Variants in CDK19 observed in about 807,000 individuals in gnomAD.
The protein encoded by CDK19 is cyclin dependent kinase 19, also known as cyclin-dependent kinase 19.
CDK19 carries 20 observed loss-of-function variants against 68.3 expected under a neutral mutation model. The observed-to-expected ratio is 0.29, with a 90% confidence interval of 0.21 to 0.43. The LOEUF (loss-of-function observed/expected upper bound fraction) is 0.43, where lower values mean the gene tolerates loss of function less well. Among genes scored for constraint, CDK19 ranks in the 20% least tolerant of loss-of-function variants. The pLI, the probability that CDK19 is intolerant of heterozygous loss-of-function variation, is 1.00. For synonymous variants in CDK19, 221 were observed against 222.8 expected, an observed-to-expected ratio of 0.99 and a Z score of 0.07; for missense variants, 339 against 623.5, an observed-to-expected ratio of 0.54 and a Z score of 4.86.
intron 4 of CDK19, chr6:110,646,247 G>A: frequency 2.0e-6 from 3 of 1,496,358 alleles, no homozygotes; most frequent in Non-Finnish European, 2.7e-6. Context: ...CTCTGTGGCC[G>A]TTCCACACAC....
At position 110,621,801 on chromosome 6, in the gene CDK19, A is replaced by T. The variant is rs1418751575; in HGVS notation, c.1110+287T>A. ...GATGCTAGCAAAAGCCAGCCTGCAT[A>T]AAGGGGTGGTAGTGACACCAAACAA... is the stretch of plus-strand genomic sequence containing the variant. On this transcript the variant is annotated intron_variant, in intron 11 of 12. Transcript: ENST00000368911. The surrounding 1 kb of genome is among the most constrained non-coding windows in gnomAD (Gnocchi z 5.4). Among the ~76,000 whole-genome samples, 3 of 152,190 alleles carry T rather than the reference A, an allele frequency of 2.0e-5. No individual in the cohort carries two copies. Among genetic ancestry groups the T allele is most frequent in the African/African-American group, 7.2e-5 (3 of 41,438 alleles).
At position 110,815,255 on chromosome 6, in the gene CDK19, G is replaced by GCCGCC; in HGVS notation, c.-120_-119insGGCGG. 8.7e-7 allele frequency: 1 copy of GCCGCC among 1,154,292 alleles called. No homozygotes were observed. The highest frequency in any genetic ancestry group is 1.1e-6 in the Non-Finnish European group (1 of 903,606). The allele number at this position is 1,154,292 out of a possible 1,614,324, so 71.5% of individuals were successfully genotyped here. On this transcript the variant is annotated 5_prime_UTR_variant, in exon 1 of 13. Transcript: ENST00000368911. Reference sequence around the variant, plus strand: ...ACAGCCGCCTCTCGCGCGCGCGCGCGCGCCGCCCGCCGCCCGCCGCTCCGC... The same window carrying GCCGCC: ...ACAGCCGCCTCTCGCGCGCGCGCGCGCCGCCCGCCGCCCGCCGCCCGCCGCTCCGC...
At chr6:110,644,243 G>C (rs1020090169) in intron 4 of CDK19, among the ~76,000 whole-genome samples, 1 of 151,032 alleles carries the variant, frequency 6.6e-6, no homozygotes, top group African/African-American at 2.4e-5. Flanking sequence ...AGTGAGCCAA[G>C]ATGAGGCCAC....
rs936383411 is a variant in CDK19, at chr6:110,765,571, C to T, written c.129-19370G>A. Among the ~76,000 whole-genome samples the T allele has an allele frequency of 2.3e-4, 34 of 148,854 alleles. 1 individual carries two copies. Among genetic ancestry groups the T allele is most frequent in the Non-Finnish European group, 1.5e-5 (1 of 67,472 alleles). On this transcript the variant is annotated intron_variant, in intron 1 of 12. Transcript: ENST00000368911. ...TGGCACGTGCCTGTAGTCCCAGCTA[C>T]TTGGGAGGCTGAGGCAGGAGAATTG...
intron 2 of CDK19, among the ~76,000 whole-genome samples, chr6:110,709,719 A>G (rs1774798823): frequency 6.6e-6 from 1 of 152,202 alleles, no homozygotes; most frequent in African/African-American, 2.4e-5. Flanking sequence ...ATGTAATTAC[A>G]GAATGAATAA....
Position 110,815,258 on chromosome 6 carries a change from C to CGCGT in CDK19, c.-123_-122insACGC. The stretch of plus-strand genomic sequence containing the variant: ...GCCGCCTCTCGCGCGCGCGCGCGCG[C>CGCGT]CGCCCGCCGCCCGCCGCTCCGCGGT... On this transcript the variant is annotated 5_prime_UTR_variant, in exon 1 of 13. Coordinates refer to ENST00000368911, the MANE Select transcript of CDK19 (RefSeq NM_015076.5). 1 of 1,037,862 alleles carries CGCGT rather than the reference C, an allele frequency of 9.6e-7. No homozygotes were observed. The highest frequency in any genetic ancestry group is 3.4e-5 in the East Asian group (1 of 29,690). The allele number at this position is 1,037,862 out of a possible 1,614,324, so 64.3% of individuals were successfully genotyped here. A position where few individuals can be genotyped will look rare whatever the true frequency, so the allele number is the denominator to read the frequency against.
chr6:110,804,767 A>G (rs552012976), intron 1 of CDK19, among the ~76,000 whole-genome samples: 1 of 150,620 alleles, frequency 6.6e-6, no homozygotes, highest in Non-Finnish European at 1.5e-5. Flanking sequence ...CATCCTGGCT[A>G]ACACGGTGAA....
chr6:110,765,902 C>A (rs1329140897), intron 1 of CDK19, among the ~76,000 whole-genome samples: 1 of 152,042 alleles, frequency 6.6e-6, no homozygotes, highest in Non-Finnish European at 1.5e-5. Flanking sequence ...TGATATATAT[C>A]ATCTCACACC....
chr6:110,649,249 G>C (rs1172216260), intron 4 of CDK19, among the ~76,000 whole-genome samples: 5 of 152,094 alleles, frequency 3.3e-5, no homozygotes, highest in African/African-American at 1.2e-4. Context: ...AAGGAAACCT[G>C]AGATCAGTAG....
At chr6:110,630,640 G>C (rs1779378630) in intron 6 of CDK19, among the ~76,000 whole-genome samples, 1 of 152,220 alleles carries the variant, frequency 6.6e-6, no homozygotes, top group Non-Finnish European at 1.5e-5. Flanking sequence ...ACCTTTTGCA[G>C]ACGGCTGCCA....
chr6:110,693,080 C>T (rs549900129), intron 2 of CDK19, among the ~76,000 whole-genome samples: 3 of 151,962 alleles, frequency 2.0e-5, no homozygotes, highest in African/African-American at 4.8e-5. Context: ...TGAGCAAAAG[C>T]GTTAAAATCT....
At chr6:110,667,717 A>G in intron 3 of CDK19, 143 bp from the exon 4 acceptor site, 1 of 467,628 alleles carries the variant, frequency 2.1e-6, no homozygotes, top group Non-Finnish European at 3.6e-6. Flanking sequence ...TAATTTGAGT[A>G]ATAAGTTCAA....
chr6:110,781,613 C>T (rs188834881), intron 1 of CDK19, among the ~76,000 whole-genome samples: 19 of 152,182 alleles, frequency 1.2e-4, no homozygotes, highest in Admixed American at 7.9e-4. Flanking sequence ...GAGGCCAACA[C>T]AGGCAGATGG....
At chr6:110,719,972 G>GCCCCCCCCCCCCCCCCCCCC (rs1167384607) in intron 2 of CDK19, among the ~76,000 whole-genome samples, 83 of 45,556 alleles carry the variant, frequency 1.8e-3, no homozygotes, top group Non-Finnish European at 2.3e-3. Flanking sequence ...CTTGTGATCC[G>GCCCCCCCCCCCCCCCCCCCC]CCCCCCCCCC....
chr6:110,669,849 A>G (rs1770850401), intron 3 of CDK19, among the ~76,000 whole-genome samples: 1 of 152,192 alleles, frequency 6.6e-6, no homozygotes, highest in African/African-American at 2.4e-5. Flanking sequence ...AACTGCCATT[A>G]ATTACTTGCA....
chr6:110,746,375 C>A (rs546393883), intron 1 of CDK19, among the ~76,000 whole-genome samples, 174 bp from the exon 2 acceptor site: 1 of 151,962 alleles, frequency 6.6e-6, no homozygotes, highest in African/African-American at 2.4e-5. Context: ...TATGAGATAC[C>A]AAAAGAAATT....
intron 1 of CDK19, among the ~76,000 whole-genome samples, chr6:110,767,487 T>C (rs751188162): frequency 4.1e-5 from 6 of 147,894 alleles, no homozygotes; most frequent in Non-Finnish European, 7.5e-5. Flanking sequence ...CCCAAGTAAC[T>C]GGGACTACAG....
chr6:110,642,398 T>G (rs1030882280), intron 4 of CDK19, among the ~76,000 whole-genome samples: 3 of 151,348 alleles, frequency 2.0e-5, no homozygotes, highest in Admixed American at 2.0e-4. Flanking sequence ...AAATATTGTT[T>G]GATCACAAAC....
chr6:110,636,699 C>T (rs1426771061), intron 5 of CDK19, among the ~76,000 whole-genome samples: 1 of 152,042 alleles, frequency 6.6e-6, no homozygotes, highest in East Asian at 1.9e-4. Flanking sequence ...AAAGAGTGAA[C>T]ATCATGTGTT....
Sources: allele counts gnomAD v4.1 joint callset (sites outside exome capture counted in the v4.1 genomes callset), GRCh38; gene constraint gnomAD v4.1.1; non-coding constraint Gnocchi (gnomAD v3.1); transcripts MANE v1.5; gene names NCBI Gene and HGNC (gene_info 2026-07-23, HGNC 2026-07-21).